Variants in TRPM6 observed in about 807,000 individuals in gnomAD.
TRPM6 encodes the protein channel kinase 2.
Under a neutral mutation model 247.6 loss-of-function variants are expected in TRPM6, and 111 were observed. The observed-to-expected ratio is 0.45, with a 90% CI of 0.38 to 0.52. The LOEUF (loss-of-function observed/expected upper bound fraction) is 0.52. Among genes scored for constraint, TRPM6 ranks in the 20% least tolerant of loss-of-function variants. The probability of loss-of-function intolerance (pLI) is 0.00; values close to 1 mark genes in which losing one functional copy is unlikely to be tolerated. For missense variants in TRPM6, 2,126 were observed against 2,421.5 expected, an observed-to-expected ratio of 0.88 and a Z score of 2.56; for synonymous variants, 892 against 853.8, an observed-to-expected ratio of 1.04 and a Z score of -0.78.
chr9:74,786,207 C>G lies in TRPM6; in HGVS notation c.2668-82G>C, dbSNP rs1440431182. 1.7e-5 allele frequency: 26 copies of G among 1,500,766 alleles called. No homozygotes were observed. In the East Asian group the frequency reaches 5.7e-4, roughly 33 times the overall value. The allele number at this position is 1,500,766 out of a possible 1,614,324, so 93.0% of individuals were successfully genotyped here. A position where few individuals can be genotyped will look rare whatever the true frequency, so the allele number is the denominator to read the frequency against. ...ATATGATCTTCTTAAATACACAAAC[C>G]ATTCACTGAAAGAGTAATCTAAAAC... On this transcript the variant is annotated intron_variant, in intron 20 of 38. Coordinates refer to ENST00000360774, the MANE Select transcript of TRPM6 (RefSeq NM_017662.5).
At chr9:74,806,019 T>A (rs1427333988) in intron 14 of TRPM6, among the ~76,000 whole-genome samples, 1 of 152,198 alleles carries the variant, frequency 6.6e-6, no homozygotes, top group Non-Finnish European at 1.5e-5. Context: ...TTTTTATGTA[T>A]GATAATGGCA....
At chr9:74,802,636 G>T (rs1415257586) in intron 15 of TRPM6, among the ~76,000 whole-genome samples, 4 of 152,204 alleles carry the variant, frequency 2.6e-5, no homozygotes, top group Non-Finnish European at 5.9e-5. Context: ...TGGGAGTGAT[G>T]TATTTTTAAA....
intron 34 of TRPM6, 117 bp from the exon 35 acceptor site, chr9:74,739,566 C>G: frequency 6.7e-7 from 1 of 1,492,924 alleles, no homozygotes; most frequent in Non-Finnish European, 9.3e-7. Context: ...CCACCACTGC[C>G]TGCCCCAAAA....
intron 1 of TRPM6, among the ~76,000 whole-genome samples, chr9:74,868,400 CAGG>C (rs1199433276): frequency 1.3e-5 from 2 of 151,940 alleles, no homozygotes; most frequent in African/African-American, 4.8e-5. Flanking sequence ...GAGGCTGAGG[CAGG>C]AGAATCATTT....
chr9:74,834,456 CTTA>C (rs113274138), intron 5 of TRPM6, among the ~76,000 whole-genome samples: 64 of 149,954 alleles, frequency 4.3e-4, no homozygotes, highest in Non-Finnish European at 2.8e-4. Context: ...ATTATGAATG[CTTA>C]TTATTATTAT....
At chr9:74,854,181 C>G (rs1464584694) in intron 3 of TRPM6, among the ~76,000 whole-genome samples, 1 of 152,260 alleles carries the variant, frequency 6.6e-6, no homozygotes, top group Non-Finnish European at 1.5e-5. Flanking sequence ...AAAAATAAAA[C>G]TAGTCTCATC....
rs768639012 is a variant in TRPM6, at chr9:74,762,495, T to C, written c.4176A>G (p.Pro1392=). The change falls in exon 26 of 39, where the codon CCA becomes CCG. Residue 1392 remains proline, a synonymous_variant. Coordinates refer to ENST00000360774, the MANE Select transcript of TRPM6 (RefSeq NM_017662.5). ...CCACTGATGCCCAGTCAGAGACAAC[T>C]GGGGTCTGCCCAGTCAGATGAACAA... ...EVLVHLTGQT[P]VVSDWASVDE... is the part of the protein sequence containing the mutation. 2 of 1,614,180 alleles carry C rather than the reference T, an allele frequency of 1.2e-6. No individual in the cohort carries two copies. Among genetic ancestry groups the C allele is most frequent in the East Asian group, 4.5e-5 (2 of 44,876 alleles).
chr9:74,835,516 T>C (rs774864015), intron 5 of TRPM6, among the ~76,000 whole-genome samples: 2 of 152,154 alleles, frequency 1.3e-5, no homozygotes, highest in Non-Finnish European at 2.9e-5. Flanking sequence ...AGGAGTAATA[T>C]GTTAATGTTC....
rs34550263 is a variant in TRPM6 at position 74,761,774 on chromosome 9, T to A, written c.4707A>T (p.Ala1569=). Residue 1569 remains alanine (A), a synonymous_variant, in exon 27 of 39, where the codon GCA becomes GCT. Transcript: ENST00000360774. ...TGGTTAGCATTTTCGCTTTGACCCA[T>A]GCTCCCTGCCCTATTTCTGAAGAGC... ...LSGSSEIGQG[A]WVKAKMLTKD... is the part of the protein sequence containing the mutation. 1,028 of 1,614,022 alleles carry A rather than the reference T, an allele frequency of 6.4e-4. No individual in the cohort carries two copies. The African/African-American group carries it at 0.012, about 20-fold the overall frequency.
intron 19 of TRPM6, among the ~76,000 whole-genome samples, chr9:74,792,116 C>T (rs1827925610): frequency 6.6e-6 from 1 of 152,172 alleles, no homozygotes; most frequent in Non-Finnish European, 1.5e-5. Context: ...ACAAACACTG[C>T]TATTAATTTG....
At chr9:74,788,845 A>G (rs191326020) in intron 19 of TRPM6, 103 bp from the exon 20 acceptor site, 84 of 1,409,622 alleles carry the variant, frequency 6.0e-5, no homozygotes, top group Admixed American at 9.7e-5. Context: ...CTTCAACATG[A>G]TAACACGAAC....
rs951361618 is a variant in TRPM6, at chr9:74,887,758, G to A, written c.33+66C>T. On this transcript the variant is annotated intron_variant, in intron 1 of 38. Transcript: ENST00000360774. ...GCCCCACCCACTTCTATCTAAGGCCGGGGGCGCAGATCTAGCGAATCGCCT... is the reference window on the plus strand; with the variant it reads ...GCCCCACCCACTTCTATCTAAGGCCAGGGGCGCAGATCTAGCGAATCGCCT... 3.1e-6 allele frequency: 5 copies of A among 1,613,274 alleles called. No homozygotes were observed. The African/African-American group carries it at 6.7e-5, about 22-fold the overall frequency.
rs143901956 is a variant in TRPM6 at position 74,787,549 on chromosome 9, A to G, written c.2667+1065T>C. On this transcript the variant is annotated intron_variant, in intron 20 of 38. Transcript: ENST00000360774. ...CTCCACATAGGAATTAGCAGGCAAC[A>G]TAGGTATAATTACAAAGAAGTATAC... Among the ~76,000 whole-genome samples the G allele has an allele frequency of 5.9e-3, 899 of 152,336 alleles. 9 individuals are homozygous for G. The highest frequency in any genetic ancestry group is 0.021 in the African/African-American group (868 of 41,566).
chr9:74,747,822 G>T, intron 31 of TRPM6, 67 bp downstream of exon 31: 2 of 1,295,216 alleles, frequency 1.5e-6, no homozygotes, highest in Non-Finnish European at 2.2e-6. Flanking sequence ...AATATCAGCA[G>T]GACAGTGAAC....
At chr9:74,774,718 T>C (rs1403213258) in intron 24 of TRPM6, among the ~76,000 whole-genome samples, 1 of 152,212 alleles carries the variant, frequency 6.6e-6, no homozygotes, top group Non-Finnish European at 1.5e-5. Context: ...AAAATTAATA[T>C]AGTGAGTATG....
chr9:74,758,945 C>T, intron 27 of TRPM6, among the ~76,000 whole-genome samples: 1 of 151,872 alleles, frequency 6.6e-6, no homozygotes, highest in East Asian at 1.9e-4. Context: ...AAATATAGGA[C>T]CAGTATTAAA....
intron 36 of TRPM6, among the ~76,000 whole-genome samples, chr9:74,737,741 T>G (rs1825740393): frequency 6.6e-6 from 1 of 152,162 alleles, no homozygotes; most frequent in Admixed American, 6.5e-5. Context: ...GGACTAAATC[T>G]CTTATTTAAA....
chr9:74,770,017 A>T (rs573238763), intron 25 of TRPM6, among the ~76,000 whole-genome samples: 7 of 152,310 alleles, frequency 4.6e-5, no homozygotes, highest in African/African-American at 1.7e-4. Context: ...TCATATAACT[A>T]TGGACTAAAG....
chr9:74,788,739 C>T lies in TRPM6; in HGVS notation c.2542G>A (p.Ala848Thr), dbSNP rs745925851. 6 of 1,613,688 alleles carry T rather than the reference C, an allele frequency of 3.7e-6. No individual in the cohort carries two copies. The highest frequency in any genetic ancestry group is 1.7e-5 in the Admixed American group (1 of 59,982). The change falls in exon 20 of 39, where the codon GCG becomes ACG. Residue 848 changes from alanine (A) to threonine (T), a missense_variant. Around this residue, in one of 3 missense-constraint regions of TRPM6, gnomAD observed 1,082 missense variants for 1,307.9 expected, o/e 0.83. Coordinates refer to ENST00000360774, the MANE Select transcript of TRPM6 (RefSeq NM_017662.5). ...PIVKFWFYTM[A>T]YLAFLMLFTY... ...AACAGCATGAGGAATGCCAAATACG[C>T]CATCTGTGAGGGGGACACACATTCC... is the stretch of plus-strand genomic sequence containing the variant.
Sources: gnomAD v4.1 joint callset for allele counts (sites outside exome capture counted in the v4.1 genomes callset) on GRCh38, gnomAD v4.1.1 for gene constraint, gnomAD v4.1.1 regional missense constraint, MANE v1.5 for transcripts, NCBI Gene and HGNC (gene_info 2026-07-23, HGNC 2026-07-21) for gene names.